The following KIAA0825 variants were observed in gnomAD, a reference collection of about 807,000 sequenced individuals.
KIAA0825 encodes the protein uncharacterized protein KIAA0825.
In KIAA0825, 119 loss-of-function variants were observed where a neutral mutation model predicts 147.6. That is an observed-to-expected ratio of 0.81 (90% CI 0.69 to 0.94). The LOEUF is 0.94. Ranked by LOEUF, KIAA0825 falls within the 40% of genes least tolerant of loss-of-function variation. The probability of loss-of-function intolerance (pLI) is 0.00; values close to 1 mark genes in which losing one functional copy is unlikely to be tolerated. For missense variants in KIAA0825, 1,381 were observed against 1,472.7 expected (o/e 0.94, Z 1.02); for synonymous variants, 470 against 518.1 (o/e 0.91, Z 1.26).
intron 20 of KIAA0825, among the ~76,000 whole-genome samples, chr5:94,274,309 A>G (rs1777121676): frequency 6.6e-6 from 1 of 152,166 alleles, no homozygotes; most frequent in Non-Finnish European, 1.5e-5. Flanking sequence ...TTTTAGTCAT[A>G]CGAACAAGAG....
At chr5:94,313,895 A>G (rs958897290) in intron 20 of KIAA0825, among the ~76,000 whole-genome samples, 1 of 151,596 alleles carries the variant, frequency 6.6e-6, no homozygotes, top group Non-Finnish European at 1.5e-5. Flanking sequence ...CTGACAGCGC[A>G]TTATGGAGCA....
chr5:94,153,828 T>TA lies in KIAA0825; in HGVS notation c.*178dup, dbSNP rs536591394. 3 of 432,218 alleles carry TA rather than the reference T, an allele frequency of 6.9e-6. No individual in the cohort carries two copies. Among genetic ancestry groups the TA allele is most frequent in the African/African-American group, 2.0e-5 (1 of 49,928 alleles). The allele number at this position is 432,218 out of a possible 1,614,324, so 26.8% of individuals were successfully genotyped here. ...AAAACATTTGAAATTATTTTTAAAATAAAAAAATATGTAGCACCTTATCCT... is the reference window on the plus strand; with the variant it reads ...AAAACATTTGAAATTATTTTTAAAATAAAAAAAATATGTAGCACCTTATCCT... On this transcript the variant is annotated 3_prime_UTR_variant, in exon 21 of 21. Coordinates refer to ENST00000682413, the MANE Select transcript of KIAA0825 (RefSeq NM_001145678.3).
At chr5:94,612,143 T>C (rs961089268) in intron 1 of KIAA0825, among the ~76,000 whole-genome samples, 15 of 152,268 alleles carry the variant, frequency 9.9e-5, no homozygotes, top group African/African-American at 3.4e-4. Context: ...TTATAAAATA[T>C]AAGAAGATAG....
At chr5:94,201,031 A>G (rs1771632733) in intron 20 of KIAA0825, among the ~76,000 whole-genome samples, 1 of 145,178 alleles carries the variant, frequency 6.9e-6, no homozygotes, top group East Asian at 2.0e-4. Flanking sequence ...TTTTAGATCA[A>G]GTTCTTTTTA....
intron 20 of KIAA0825, among the ~76,000 whole-genome samples, chr5:94,361,938 A>AG (rs1745120584): frequency 6.6e-6 from 1 of 152,216 alleles, no homozygotes; most frequent in Admixed American, 6.5e-5. Context: ...ACTGAAGAAC[A>AG]GTGTGTGCAG....
chr5:94,545,583 A>G (rs866758492), intron 2 of KIAA0825, among the ~76,000 whole-genome samples: 42 of 152,282 alleles, frequency 2.8e-4, no homozygotes, highest in Admixed American at 4.6e-4. Flanking sequence ...CCTAGTTCCT[A>G]GATGACATTT....
chr5:94,360,972 T>C (rs1236748946), intron 20 of KIAA0825, among the ~76,000 whole-genome samples: 2 of 152,292 alleles, frequency 1.3e-5, no homozygotes, highest in African/African-American at 4.8e-5. Context: ...TGTGAATCAA[T>C]ATTACTATGT....
At chr5:94,476,122 C>T (rs1248470909) in intron 7 of KIAA0825, among the ~76,000 whole-genome samples, 2 of 152,034 alleles carry the variant, frequency 1.3e-5, no homozygotes, top group East Asian at 3.9e-4. Flanking sequence ...AGGATTTTCC[C>T]GATTATTAAA....
intron 20 of KIAA0825, among the ~76,000 whole-genome samples, chr5:94,272,469 A>G (rs1040570468): frequency 2.6e-5 from 4 of 152,124 alleles, no homozygotes; most frequent in African/African-American, 9.7e-5. Flanking sequence ...ATAAATATAT[A>G]CACCTACTAT....
At chr5:94,551,675 A>G (rs1392927104) in intron 2 of KIAA0825, among the ~76,000 whole-genome samples, 2 of 152,102 alleles carry the variant, frequency 1.3e-5, no homozygotes, top group Non-Finnish European at 2.9e-5. Context: ...AAGGAAACTC[A>G]TTGACATATA....
intron 20 of KIAA0825, among the ~76,000 whole-genome samples, chr5:94,307,795 T>C (rs995719675): frequency 1.3e-5 from 2 of 151,752 alleles, no homozygotes; most frequent in Non-Finnish European, 1.5e-5. Context: ...TATTCCACCA[T>C]ATATTATATT....
At chr5:94,249,564 G>A (rs1300634870) in intron 20 of KIAA0825, among the ~76,000 whole-genome samples, 14 of 151,952 alleles carry the variant, frequency 9.2e-5, no homozygotes, top group Admixed American at 9.2e-4. Flanking sequence ...CCATGAAGCC[G>A]GTTTTGCTTC....
intron 5 of KIAA0825, among the ~76,000 whole-genome samples, chr5:94,493,661 TG>T (rs1345238509): frequency 6.6e-6 from 1 of 152,110 alleles, no homozygotes; most frequent in African/African-American, 2.4e-5. Context: ...GCTAATTTTT[TG>T]TATTTTTAGT....
chr5:94,236,001 A>C (rs182350299), intron 20 of KIAA0825, among the ~76,000 whole-genome samples: 1 of 152,316 alleles, frequency 6.6e-6, no homozygotes, highest in East Asian at 1.9e-4. Flanking sequence ...TCTAATGGAG[A>C]TGTACAAGGA....
chr5:94,249,799 G>GTTT lies in KIAA0825; in HGVS notation c.3711-95678_3711-95676dup, dbSNP rs3080905. On this transcript the variant is annotated intron_variant, in intron 20 of 20. Coordinates refer to ENST00000682413, the MANE Select transcript of KIAA0825 (RefSeq NM_001145678.3). ...TTTTCCCCAATATTTTGCTCTGCTG[G>GTTT]TTTTTTTTTTTTTTGCTAATTTATT... Among the ~76,000 whole-genome samples the GTTT allele has an allele frequency of 2.6e-3, 350 of 132,766 alleles. 3 individuals are homozygous for GTTT. Among genetic ancestry groups the GTTT allele is most frequent in the Non-Finnish European group, 3.7e-3 (226 of 61,542 alleles). 87.1% of individuals were successfully genotyped at this position (132,766 alleles called of 152,430 possible).
At chr5:94,286,690 A>C (rs537817064) in intron 20 of KIAA0825, among the ~76,000 whole-genome samples, 1 of 152,100 alleles carries the variant, frequency 6.6e-6, no homozygotes, top group African/African-American at 2.4e-5. Context: ...TAGCTGGACT[A>C]TAGGTGCACC....
intron 4 of KIAA0825, 57 bp from the exon 5 acceptor site, chr5:94,520,974 A>C: frequency 7.6e-7 from 1 of 1,317,534 alleles, no homozygotes; most frequent in Non-Finnish European, 1.0e-6. Context: ...AATGATTTCT[A>C]TAGTCATATA....
intron 1 of KIAA0825, among the ~76,000 whole-genome samples, chr5:94,613,493 C>T (rs550196068): frequency 2.6e-5 from 4 of 152,276 alleles, no homozygotes; most frequent in African/African-American, 9.6e-5. Context: ...GTCACTGCGC[C>T]GGCCAATCTT....
At chr5:94,485,076 T>A (rs372585366) in intron 5 of KIAA0825, 146 bp from the exon 6 acceptor site, 2 of 465,562 alleles carry the variant, frequency 4.3e-6, no homozygotes, top group Non-Finnish European at 7.1e-6. Flanking sequence ...GAAATACATA[T>A]AAAATCTCCT....
Sources: allele counts gnomAD v4.1 joint callset (sites outside exome capture counted in the v4.1 genomes callset), GRCh38; gene constraint gnomAD v4.1.1; transcripts MANE v1.5; gene names NCBI Gene and HGNC (gene_info 2026-07-23, HGNC 2026-07-21).